Variants in SLC34A2 observed in about 807,000 individuals in gnomAD.
SLC34A2 encodes solute carrier family 34 member 2, also known as sodium-dependent phosphate transport protein 2B.
SLC34A2 carries 41 observed loss-of-function variants against 50.8 expected under a neutral mutation model. That is an observed-to-expected ratio of 0.81 (90% CI 0.63 to 1.05). The LOEUF is 1.05. Ranked by LOEUF, SLC34A2 falls within the 50% of genes least tolerant of loss-of-function variation. The pLI, the probability that SLC34A2 is intolerant of heterozygous loss-of-function variation, is 0.00. For synonymous variants in SLC34A2, 401 were observed against 364.2 expected, an observed-to-expected ratio of 1.10 and a Z score of -1.15; for missense variants, 879 against 876.7, an observed-to-expected ratio of 1.00 and a Z score of -0.03.
Position 25,662,740 on chromosome 4 carries a change from C to A in SLC34A2, c.148C>A (p.Leu50Ile). 6.2e-7 allele frequency: 1 copy of A among 1,614,126 alleles called. No individual in the cohort carries two copies. The highest frequency in any genetic ancestry group is 8.5e-7 in the Non-Finnish European group (1 of 1,180,016). The change falls in exon 3 of 13, where the codon CTT becomes ATT. Residue 50 changes from leucine to isoleucine, a missense_variant. By Grantham distance (5) the Leu-to-Ile change is conservative. Transcript: ENST00000382051. Reference protein sequence around the residue: ...NTEAPVTKIELLPSYSTATLI... With the variant: ...NTEAPVTKIEILPSYSTATLI... ...TGAGGCACCTGTAACCAAGATTGAA[C>A]TTCTGCCGTCCTACTCCACGGCTAC...
chr4:25,670,621 T>C, intron 7 of SLC34A2, 117 bp from the exon 8 acceptor site: 1 of 763,332 alleles, frequency 1.3e-6, no homozygotes, highest in Non-Finnish European at 2.3e-6. Flanking sequence ...TTTGCCTCTC[T>C]GGGGGCTCAC....
chr4:25,669,623 G>A, intron 6 of SLC34A2, 24 bp from the exon 7 acceptor site: 1 of 1,611,896 alleles, frequency 6.2e-7, no homozygotes, highest in Non-Finnish European at 8.5e-7. Flanking sequence ...GACTAATCTG[G>A]CTGTCGGGGT....
At chr4:25,667,228 C>G (rs1335250425) in intron 5 of SLC34A2, 4 of 153,060 alleles carry the variant, frequency 2.6e-5, no homozygotes, top group Non-Finnish European at 5.8e-5. Context: ...ATGATGCTTC[C>G]TGGCTGGGCC....
At chr4:25,672,473 C>T (rs920555829) in intron 9 of SLC34A2, among the ~76,000 whole-genome samples, 1 of 152,124 alleles carries the variant, frequency 6.6e-6, no homozygotes, top group Non-Finnish European at 1.5e-5. Context: ...TTTTCCAACC[C>T]AGCCATCCTT....
chr4:25,662,666 T>G, intron 2 of SLC34A2, 39 bp from the exon 3 acceptor site: 1 of 1,614,120 alleles, frequency 6.2e-7, no homozygotes, highest in Non-Finnish European at 8.5e-7. Flanking sequence ...CCCAGGAGAC[T>G]CAGGTCTGAT....
At position 25,677,986 on chromosome 4, in the gene SLC34A2, A is replaced by C. The variant is rs946267417; in HGVS notation, c.*1237A>C. On this transcript the variant is annotated 3_prime_UTR_variant, in exon 13 of 13. Coordinates refer to ENST00000382051, the MANE Select transcript of SLC34A2 (RefSeq NM_006424.3). ...AGTACAGTCGAGCACACGTGTGTGC[A>C]TGGGTCAAAGGGGTGTGTTCCTTCT... 6.6e-6 allele frequency: 1 copy of C among 152,260 alleles called. No homozygotes were observed. Among genetic ancestry groups the C allele is most frequent in the East Asian group, 1.9e-4 (1 of 5,190 alleles). The allele number at this position is 152,260 out of a possible 1,614,324, so 9.4% of individuals were successfully genotyped here.
Position 25,670,743 on chromosome 4 carries a change from TA to T in SLC34A2, c.843del (p.Val282LeufsTer7). The T allele has an allele frequency of 6.2e-7, 1 of 1,613,354 alleles. No individual in the cohort carries two copies. Among genetic ancestry groups the T allele is most frequent in the Non-Finnish European group, 8.5e-7 (1 of 1,179,378 alleles). On this transcript the variant is annotated frameshift_variant, in exon 8 of 13. Coordinates refer to ENST00000382051, the MANE Select transcript of SLC34A2 (RefSeq NM_006424.3). LOFTEE classifies it high-confidence loss of function. Reference protein sequence around the residue: ...PFTKLIVQLDKKVISQIAMND... With the variant: ...PFTKLIVQLDXKVISQIAMND... ...CCTGTCTACTGTTTCCACAGCTGGA[TA>T]AAAAAGTTATCAGCCAAATTGCAAT...
intron 3 of SLC34A2, 103 bp downstream of exon 3, chr4:25,662,945 G>T: frequency 7.3e-7 from 1 of 1,371,044 alleles, no homozygotes; most frequent in Non-Finnish European, 1.0e-6. Context: ...TGATTCCCTT[G>T]AAGCAAGGGT....
intron 4 of SLC34A2, among the ~76,000 whole-genome samples, chr4:25,665,595 A>G (rs1714453951): frequency 6.6e-6 from 1 of 152,140 alleles, no homozygotes; most frequent in South Asian, 2.1e-4. Context: ...GGACTTGGGA[A>G]TGCATTGATG....
At position 25,655,862 on chromosome 4, in the gene SLC34A2, C is replaced by G. The variant is rs1336115154; in HGVS notation, c.-32C>G. ...GCTGCGCTCCACCTGGCCGCCGCCT[C>G]CAGCCCAGCACCTGCGGAGGGAGCG... On this transcript the variant is annotated 5_prime_UTR_variant, in exon 1 of 13. Transcript: ENST00000382051. 1.3e-5 allele frequency: 2 copies of G among 152,334 alleles called. No individual in the cohort carries two copies. The highest frequency in any genetic ancestry group is 2.9e-5 in the Non-Finnish European group (2 of 68,104). The allele number at this position is 152,334 out of a possible 1,614,324, so 9.4% of individuals were successfully genotyped here. A position where few individuals can be genotyped will look rare whatever the true frequency, so the allele number is the denominator to read the frequency against.
intron 1 of SLC34A2, among the ~76,000 whole-genome samples, chr4:25,660,702 C>T (rs769225579): frequency 3.3e-5 from 5 of 152,080 alleles, no homozygotes; most frequent in Admixed American, 6.5e-5. Flanking sequence ...CATGCCACCA[C>T]GCCTGGCTAA....
intron 3 of SLC34A2, among the ~76,000 whole-genome samples, chr4:25,663,354 TTGTC>T (rs1296732100): frequency 9.2e-5 from 14 of 152,166 alleles, no homozygotes; most frequent in Non-Finnish European, 2.1e-4. Context: ...AAGATGGACA[TTGTC>T]TGGCTCCTTA....
At chr4:25,670,906 C>A in intron 8 of SLC34A2, 73 bp downstream of exon 8, 1 of 1,237,862 alleles carries the variant, frequency 8.1e-7, no homozygotes, top group South Asian at 1.2e-5. Context: ...ATCTTGCCTT[C>A]AAGGAAGGTA....
At position 25,662,713 on chromosome 4, in the gene SLC34A2, A is replaced by G. The variant is rs762187457; in HGVS notation, c.121A>G (p.Thr41Ala). The change falls in exon 3 of 13, where the codon ACT becomes GCT. Residue 41 changes from threonine (T) to alanine (A), a missense_variant. Coordinates refer to ENST00000382051, the MANE Select transcript of SLC34A2 (RefSeq NM_006424.3). ...KSKETNKTDN[T>A]EAPVTKIELL... Reference sequence around the variant, plus strand: ...CCTTTTGCTTGTTTCAGCAGATAACACTGAGGCACCTGTAACCAAGATTGA... The same window carrying G: ...CCTTTTGCTTGTTTCAGCAGATAACGCTGAGGCACCTGTAACCAAGATTGA... 1.2e-6 allele frequency: 2 copies of G among 1,614,056 alleles called. No individual in the cohort carries two copies. The highest frequency in any genetic ancestry group is 1.7e-6 in the Non-Finnish European group (2 of 1,180,026).
intron 1 of SLC34A2, among the ~76,000 whole-genome samples, 199 bp downstream of exon 1, chr4:25,656,089 T>C (rs919584751): frequency 2.0e-5 from 3 of 152,242 alleles, no homozygotes; most frequent in African/African-American, 7.2e-5. Context: ...TATTACAGCT[T>C]TTGCTGCTAC....
At chr4:25,674,740 A>G (rs1214536550) in intron 12 of SLC34A2, 111 bp downstream of exon 12, 1 of 1,420,752 alleles carries the variant, frequency 7.0e-7, no homozygotes, top group Non-Finnish European at 9.7e-7. Flanking sequence ...CAAAATATGG[A>G]ACTAATATGT....
In SLC34A2 at chr4:25,678,499, G is replaced by T. The variant is rs950267139; in HGVS notation, c.*1750G>T. 5.8e-6 allele frequency: 1 copy of T among 171,994 alleles called. No homozygotes were observed. Among genetic ancestry groups the T allele is most frequent in the African/African-American group, 2.4e-5 (1 of 41,976 alleles). The allele number at this position is 171,994 out of a possible 1,614,324, so 10.7% of individuals were successfully genotyped here. On this transcript the variant is annotated 3_prime_UTR_variant, in exon 13 of 13. Coordinates refer to ENST00000382051, the MANE Select transcript of SLC34A2 (RefSeq NM_006424.3). Reference sequence around the variant, plus strand: ...TTAAACCCGGGCAGGGGCTGTGGCCGTCTTTGTACTCTGGTGATTTTTAAA... The same window carrying T: ...TTAAACCCGGGCAGGGGCTGTGGCCTTCTTTGTACTCTGGTGATTTTTAAA...
chr4:25,664,109 G>A (rs1714356204), intron 3 of SLC34A2, 93 bp from the exon 4 acceptor site: 2 of 1,267,776 alleles, frequency 1.6e-6, no homozygotes, highest in Admixed American at 1.7e-5. Context: ...GGGAGGTCGG[G>A]GGAGCTCTGA....
chr4:25,662,444 C>T, intron 1 of SLC34A2, 54 bp from the exon 2 acceptor site: 1 of 1,487,766 alleles, frequency 6.7e-7, no homozygotes, highest in South Asian at 1.1e-5. Flanking sequence ...CTTATAGCAT[C>T]TCGGTGTGCC....
Sources: allele counts gnomAD v4.1 joint callset (sites outside exome capture counted in the v4.1 genomes callset), GRCh38; gene constraint gnomAD v4.1.1; transcripts MANE v1.5; gene names NCBI Gene and HGNC (gene_info 2026-07-23, HGNC 2026-07-21).